LARGE1: variants seen among roughly 807,000 people sequenced by gnomAD.
LARGE1 encodes LARGE xylosyl- and glucuronyltransferase 1, also known as xylosyl- and glucuronyltransferase LARGE1.
A neutral mutation model predicts 87.6 loss-of-function variants in LARGE1; 43 were observed. The ratio of observed to expected loss-of-function variants is 0.49; its 90% CI spans 0.38 to 0.63. The LOEUF (loss-of-function observed/expected upper bound fraction) is 0.63, where lower values mean the gene tolerates loss of function less well. Ranked by LOEUF, LARGE1 falls within the 30% of genes least tolerant of loss-of-function variation. The probability of loss-of-function intolerance (pLI) is 0.00; values close to 1 mark genes in which losing one functional copy is unlikely to be tolerated. For missense variants in LARGE1, 802 were observed against 1,000.2 expected, an observed-to-expected ratio of 0.80 and a Z score of 2.67; for synonymous variants, 434 against 394.6, an observed-to-expected ratio of 1.10 and a Z score of -1.18.
chr22:33,534,533 G>A (rs1201572224), intron 6 of LARGE1, among the ~76,000 whole-genome samples: 1 of 152,190 alleles, frequency 6.6e-6, no homozygotes, highest in Non-Finnish European at 1.5e-5. Context: ...GCCAGGCATG[G>A]GAAATGTAAG....
chr22:33,155,023 T>C, the LARGE1 span, among the ~76,000 whole-genome samples: 3 of 152,196 alleles, frequency 2.0e-5, no homozygotes, highest in Non-Finnish European at 4.4e-5. Flanking sequence ...CCTTCCACCA[T>C]GATTGTGAGG....
At chr22:33,652,958 C>T (rs1038167207) in intron 2 of LARGE1, among the ~76,000 whole-genome samples, 3 of 152,142 alleles carry the variant, frequency 2.0e-5, no homozygotes, top group Non-Finnish European at 1.5e-5. Flanking sequence ...TGGTAGGGGA[C>T]GTGAAATCAC....
intron 1 of LARGE1, among the ~76,000 whole-genome samples, chr22:33,773,475 C>T (rs1448173423): frequency 1.4e-5 from 2 of 138,636 alleles, no homozygotes; most frequent in South Asian, 2.3e-4. Flanking sequence ...TGTCACAGAT[C>T]GGGGCAGTGG....
chr22:33,772,653 T>C (rs1383152030), intron 1 of LARGE1, among the ~76,000 whole-genome samples: 2 of 152,196 alleles, frequency 1.3e-5, no homozygotes, highest in Middle Eastern at 3.4e-3. Flanking sequence ...CTCCCCAACT[T>C]TGTCTATCAC....
intron 3 of LARGE1, among the ~76,000 whole-genome samples, chr22:33,646,920 G>T (rs962369743): frequency 6.6e-6 from 1 of 152,126 alleles, no homozygotes; most frequent in Non-Finnish European, 1.5e-5. Flanking sequence ...GTAGAAACAG[G>T]GTTTCACCAT....
intron 2 of LARGE1, among the ~76,000 whole-genome samples, chr22:33,714,106 T>C (rs1213939223): frequency 6.6e-6 from 1 of 151,476 alleles, no homozygotes; most frequent in Non-Finnish European, 1.5e-5. Context: ...GCAGACTGAC[T>C]CCTGCCCTCC....
intron 1 of LARGE1, among the ~76,000 whole-genome samples, chr22:33,811,872 G>A (rs1367047322): frequency 6.6e-6 from 1 of 152,192 alleles, no homozygotes; most frequent in Non-Finnish European, 1.5e-5. Context: ...TCAGGCCAGG[G>A]ATAATGGGAG....
intron 1 of LARGE1, among the ~76,000 whole-genome samples, chr22:33,836,795 T>C (rs903465918): frequency 2.8e-5 from 4 of 142,592 alleles, no homozygotes; most frequent in Admixed American, 6.8e-5. Flanking sequence ...TCTACCTTAC[T>C]GGAAAAAAAA....
At chr22:33,518,761 G>T (rs911215248) in intron 6 of LARGE1, among the ~76,000 whole-genome samples, 1 of 152,176 alleles carries the variant, frequency 6.6e-6, no homozygotes, top group Non-Finnish European at 1.5e-5. Flanking sequence ...AGGAGTGGAA[G>T]TGTAACTGCA....
intron 6 of LARGE1, among the ~76,000 whole-genome samples, chr22:33,481,408 T>C (rs572402994): frequency 7.9e-4 from 121 of 152,318 alleles, no homozygotes; most frequent in African/African-American, 2.9e-3. Context: ...GGCCATTATT[T>C]TTTTAAATGC....
At chr22:33,608,235 C>G (rs974657923) in intron 4 of LARGE1, among the ~76,000 whole-genome samples, 5 of 152,150 alleles carry the variant, frequency 3.3e-5, no homozygotes, top group African/African-American at 9.7e-5. Flanking sequence ...TTAATTTTAG[C>G]CATGGGGTGA....
chr22:33,837,236 T>C (rs754247071), intron 1 of LARGE1, among the ~76,000 whole-genome samples: 3 of 144,406 alleles, frequency 2.1e-5, no homozygotes, highest in Non-Finnish European at 4.5e-5. Flanking sequence ...TATATATATA[T>C]GGAGTAGAGA....
chr22:33,118,504 G>GAAAAA, the LARGE1 span, among the ~76,000 whole-genome samples: 1 of 80,452 alleles, frequency 1.2e-5, no homozygotes, highest in East Asian at 4.0e-4. Context: ...AAAGAAAAAA[G>GAAAAA]AAAAAAAAAA....
chr22:33,459,789 G>C (rs184165234), intron 6 of LARGE1, among the ~76,000 whole-genome samples: 63 of 150,172 alleles, frequency 4.2e-4, no homozygotes, highest in African/African-American at 1.4e-3. Context: ...CTGGTCCATA[G>C]TGGCTCTGAG....
chr22:33,360,920 A>G lies in LARGE1; in HGVS notation c.1131+20999T>C, dbSNP rs574235405. Among the ~76,000 whole-genome samples, 539 of 149,900 alleles carry G rather than the reference A, an allele frequency of 3.6e-3. 31 individuals carry two copies. Among genetic ancestry groups the G allele is most frequent in the African/African-American group, 0.012 (489 of 40,796 alleles). On this transcript the variant is annotated intron_variant, in intron 9 of 14. Transcript: ENST00000397394. The stretch of plus-strand genomic sequence containing the variant: ...ACTCTCTCCCCTGTATGTAATCCCG[A>G]TAAAACCCCATGTCGGCCGGGCACA...
At chr22:33,526,255 T>A (rs1313121350) in intron 6 of LARGE1, among the ~76,000 whole-genome samples, 1 of 152,186 alleles carries the variant, frequency 6.6e-6, no homozygotes, top group Non-Finnish European at 1.5e-5. Flanking sequence ...TACAGAGGAT[T>A]AGTGGAGAGC....
At chr22:33,701,894 T>C (rs1569386202) in intron 2 of LARGE1, among the ~76,000 whole-genome samples, 6 of 152,190 alleles carry the variant, frequency 3.9e-5, no homozygotes. Flanking sequence ...AATGAAGTAA[T>C]CAGATTCTTA....
chr22:33,559,052 T>C (rs1039063309), intron 6 of LARGE1, among the ~76,000 whole-genome samples: 9 of 152,246 alleles, frequency 5.9e-5, no homozygotes, highest in Non-Finnish European at 8.8e-5. Flanking sequence ...TGAGCTGCTA[T>C]AACAAAATAT....
At chr22:33,498,887 G>T (rs2070289710) in intron 6 of LARGE1, among the ~76,000 whole-genome samples, 1 of 152,130 alleles carries the variant, frequency 6.6e-6, no homozygotes, top group South Asian at 2.1e-4. Flanking sequence ...CAGGAGAATG[G>T]TATGAATCCA....
Sources: allele counts gnomAD v4.1 joint callset (sites outside exome capture counted in the v4.1 genomes callset), GRCh38; gene constraint gnomAD v4.1.1; transcripts MANE v1.5; gene names NCBI Gene and HGNC (gene_info 2026-07-23, HGNC 2026-07-21).